Variants in HHIPL1 observed in about 807,000 individuals in gnomAD.
HHIPL1 encodes HHIP like 1.
Under a neutral mutation model 61.8 loss-of-function variants are expected in HHIPL1, and 43 were observed. That is an observed-to-expected ratio of 0.70 (90% confidence interval 0.55 to 0.90). The LOEUF (loss-of-function observed/expected upper bound fraction) is 0.90, where lower values mean the gene tolerates loss of function less well. HHIPL1 is among the 40% of genes least tolerant of loss of function. The pLI, the probability that HHIPL1 is intolerant of heterozygous loss-of-function variation, is 0.00. For synonymous variants in HHIPL1, 482 were observed against 515.8 expected (o/e 0.93, Z 0.89); for missense variants, 1,056 against 1,157.7 (o/e 0.91, Z 1.28).
chr14:99,611,720 G>A, the HHIPL1 span, among the ~76,000 whole-genome samples: 4 of 146,592 alleles, frequency 2.7e-5, no homozygotes, highest in Non-Finnish European at 4.5e-5. Flanking sequence ...GAGCCACCAT[G>A]CCCAGCCTAG....
chr14:99,647,228 G>A (rs1357497548), intron 1 of HHIPL1, among the ~76,000 whole-genome samples: 7 of 152,292 alleles, frequency 4.6e-5, no homozygotes, highest in African/African-American at 1.4e-4. Context: ...GGGTGGGCTG[G>A]CCACCTTTAG....
chr14:99,639,402 T>G, the HHIPL1 span, among the ~76,000 whole-genome samples: 1 of 152,182 alleles, frequency 6.6e-6, no homozygotes, highest in Admixed American at 6.5e-5. Context: ...CAGGCTGAAG[T>G]GCAGTGATCA....
intron 8 of HHIPL1, among the ~76,000 whole-genome samples, chr14:99,674,643 C>G (rs973225401): frequency 2.6e-5 from 4 of 152,162 alleles, no homozygotes; most frequent in African/African-American, 9.7e-5. Flanking sequence ...GCTTCCTCAC[C>G]CTCACAACCA....
At chr14:99,649,615 A>G (rs2055894312) in intron 1 of HHIPL1, among the ~76,000 whole-genome samples, 1 of 151,976 alleles carries the variant, frequency 6.6e-6, no homozygotes, top group South Asian at 2.1e-4. Context: ...GCATAGAGAG[A>G]CCCTGTCTCT....
intron 7 of HHIPL1, among the ~76,000 whole-genome samples, chr14:99,671,950 C>T (rs2056330709): frequency 6.6e-6 from 1 of 152,144 alleles, no homozygotes; most frequent in South Asian, 2.1e-4. Flanking sequence ...AGGAATCAGG[C>T]TGCATTTCAG....
chr14:99,627,657 G>T, the HHIPL1 span, among the ~76,000 whole-genome samples: 4 of 152,246 alleles, frequency 2.6e-5, no homozygotes, highest in Non-Finnish European at 5.9e-5. This position sits in a 1 kb window ranked among gnomAD's most constrained non-coding sequence, Gnocchi z 4.4. Context: ...ACTGCAAGAG[G>T]CAGGAAAGTG....
Position 99,670,114 on chromosome 14 carries a change from C to CTT in HHIPL1, c.1730+1825_1730+1826dup, listed in dbSNP as rs766131828. Among the ~76,000 whole-genome samples, 231 of 144,368 alleles carry CTT rather than the reference C, an allele frequency of 1.6e-3. 4 individuals are homozygous for CTT. The highest frequency in any genetic ancestry group is 4.7e-3 in the African/African-American group (185 of 39,270). The allele number at this position is 144,368 out of a possible 152,430, so 94.7% of individuals were successfully genotyped here. A position where few individuals can be genotyped will look rare whatever the true frequency, so the allele number is the denominator to read the frequency against. ...TAAACTCTACAACTCCAGTCTTTTA[C>CTT]TTTTTTTTTTTTTTTGAGACGGAGT... On this transcript the variant is annotated intron_variant, in intron 7 of 8. Coordinates refer to ENST00000330710, the MANE Select transcript of HHIPL1 (RefSeq NM_001127258.3).
chr14:99,628,520 G>A, the HHIPL1 span, among the ~76,000 whole-genome samples: 1 of 149,186 alleles, frequency 6.7e-6, no homozygotes, highest in Non-Finnish European at 1.5e-5. Context: ...GGCAGAGGTT[G>A]CAGTGAGTTG....
the HHIPL1 span, among the ~76,000 whole-genome samples, chr14:99,615,622 A>G: frequency 6.7e-6 from 1 of 148,364 alleles, no homozygotes; most frequent in Admixed American, 6.9e-5. Flanking sequence ...AGGAAGAAAG[A>G]AAGGAAGAAA....
the HHIPL1 span, among the ~76,000 whole-genome samples, chr14:99,605,754 G>A: frequency 6.6e-6 from 1 of 152,246 alleles, no homozygotes; most frequent in Non-Finnish European, 1.5e-5. Flanking sequence ...GAGGTGGGGA[G>A]GCACATCTAA....
At chr14:99,617,229 G>A in the HHIPL1 span, among the ~76,000 whole-genome samples, 2 of 152,112 alleles carry the variant, frequency 1.3e-5, no homozygotes, top group African/African-American at 2.4e-5. Context: ...ACAAGAAACC[G>A]TCATTGACCA....
chr14:99,672,867 C>T (rs2056340216), intron 8 of HHIPL1, among the ~76,000 whole-genome samples: 1 of 152,154 alleles, frequency 6.6e-6, no homozygotes, highest in Non-Finnish European at 1.5e-5. Flanking sequence ...GGGCTGTTCC[C>T]CTGGGCCCAA....
rs997897490 is a variant in HHIPL1, at chr14:99,668,049, T to C, written c.1649-173T>C. Among the ~76,000 whole-genome samples, 1 of 152,138 alleles carries C rather than the reference T, an allele frequency of 6.6e-6. No individual in the cohort carries two copies. The highest frequency in any genetic ancestry group is 1.5e-5 in the Non-Finnish European group (1 of 68,034). On this transcript the variant is annotated intron_variant, in intron 6 of 8. Transcript: ENST00000330710. This position sits in a 1 kb window ranked among gnomAD's most constrained non-coding sequence, Gnocchi z 4.7. The stretch of plus-strand genomic sequence containing the variant: ...GTACAACCCAACTCCTCACCCAGCC[T>C]CACTTCCTCTTTCTGGGGACTGGAC...
intron 2 of HHIPL1, among the ~76,000 whole-genome samples, chr14:99,656,775 C>A (rs2056034481): frequency 2.7e-4 from 1 of 3,666 alleles, no homozygotes; most frequent in Admixed American, 7.2e-3. Context: ...ACTCTGTCTG[C>A]AAAAAGAAAA....
In HHIPL1 at chr14:99,668,371, C is replaced by A; in HGVS notation, c.1730+68C>A. 1.1e-6 allele frequency: 1 copy of A among 945,684 alleles called. No individual in the cohort carries two copies. The highest frequency in any genetic ancestry group is 1.3e-5 in the South Asian group (1 of 77,476). The allele number at this position is 945,684 out of a possible 1,614,324, so 58.6% of individuals were successfully genotyped here. A position where few individuals can be genotyped will look rare whatever the true frequency, so the allele number is the denominator to read the frequency against. ...AGGCCTCTTAGCTCCACGGGCTTGT[C>A]CCCTCCGCCTCGCCCTCAGGTGGGT... is the stretch of plus-strand genomic sequence containing the variant. On this transcript the variant is annotated intron_variant, in intron 7 of 8. Transcript: ENST00000330710. The surrounding 1 kb of genome is among the most constrained non-coding windows in gnomAD (Gnocchi z 4.7).
intron 8 of HHIPL1, among the ~76,000 whole-genome samples, chr14:99,673,089 C>T (rs2056342893): frequency 6.6e-6 from 1 of 152,172 alleles, no homozygotes; most frequent in African/African-American, 2.4e-5. Context: ...AAAAACCACT[C>T]CGCGAGCCAA....
chr14:99,645,553 A>G (rs1404837788), intron 1 of HHIPL1, 91 bp downstream of exon 1: 1 of 1,203,982 alleles, frequency 8.3e-7, no homozygotes, highest in South Asian at 3.7e-5. Flanking sequence ...GAGGGCCAAG[A>G]GTGGGCGGCG....
chr14:99,609,756 C>T, the HHIPL1 span, among the ~76,000 whole-genome samples: 3 of 152,226 alleles, frequency 2.0e-5, no homozygotes, highest in Admixed American at 6.5e-5. Context: ...TCAGGAAGTC[C>T]GCACTGCACA....
At chr14:99,672,467 C>T in intron 8 of HHIPL1, 68 bp downstream of exon 8, 2 of 1,341,744 alleles carry the variant, frequency 1.5e-6, no homozygotes, top group Non-Finnish European at 2.1e-6. Context: ...GGCTGCCTTT[C>T]CAGCCAGACT....
Sources: allele counts gnomAD v4.1 joint callset (sites outside exome capture counted in the v4.1 genomes callset), GRCh38; gene constraint gnomAD v4.1.1; non-coding constraint Gnocchi (gnomAD v3.1); transcripts MANE v1.5; gene names NCBI Gene and HGNC (gene_info 2026-07-23, HGNC 2026-07-21).